The following PDXK variants were observed in gnomAD, a reference collection of about 807,000 sequenced individuals.
PDXK encodes the protein epididymis secretory sperm binding protein Li 1a.
Under a neutral mutation model 43.2 loss-of-function variants are expected in PDXK, and 15 were observed. That is an observed-to-expected ratio of 0.35 (90% CI 0.23 to 0.53). PDXK has a LOEUF of 0.53. Among genes scored for constraint, PDXK ranks in the 20% least tolerant of loss-of-function variants. The pLI, the probability that PDXK is intolerant of heterozygous loss-of-function variation, is 0.92. For synonymous variants in PDXK, 172 were observed against 165.4 expected, an observed-to-expected ratio of 1.04 and a Z score of -0.31; for missense variants, 343 against 417.0, an observed-to-expected ratio of 0.82 and a Z score of 1.54.
At chr21:43,725,316 C>G (rs138605786) in intron 1 of PDXK, among the ~76,000 whole-genome samples, 326 of 152,106 alleles carry the variant, frequency 2.1e-3, no homozygotes, top group Non-Finnish European at 3.7e-3. Context: ...GAGCAAGACT[C>G]TCGTCTCAAA....
At chr21:43,747,872 A>G (rs1257421276) in intron 5 of PDXK, among the ~76,000 whole-genome samples, 1 of 152,224 alleles carries the variant, frequency 6.6e-6, no homozygotes, top group Admixed American at 6.5e-5. Context: ...CTCCCTACCC[A>G]AAATGGGGCT....
chr21:43,719,724 C>T, intron 1 of PDXK: 1 of 985,442 alleles, frequency 1.0e-6, no homozygotes, highest in Non-Finnish European at 1.2e-6. Flanking sequence ...GGCGGTGCGG[C>T]TCCCGGAGGC....
At position 43,760,698 on chromosome 21, in the gene PDXK, C is replaced by T. The variant is rs1005158536; in HGVS notation, c.*4635C>T. 9.2e-5 allele frequency: 14 copies of T among 152,412 alleles called. No individual in the cohort carries two copies. Among genetic ancestry groups the T allele is most frequent in the African/African-American group, 3.1e-4 (13 of 41,550 alleles). The allele number at this position is 152,412 out of a possible 1,614,324, so 9.4% of individuals were successfully genotyped here. A position where few individuals can be genotyped will look rare whatever the true frequency, so the allele number is the denominator to read the frequency against. On this transcript the variant is annotated 3_prime_UTR_variant, in exon 11 of 11. Coordinates refer to ENST00000291565, the MANE Select transcript of PDXK (RefSeq NM_003681.5). ...GCCAGTTTGTGTGGCCTGTGCCACG[C>T]TCCACAGTGCGTGGCTGGGCTCTGT...
rs1321902747 is a variant in PDXK at position 43,756,131 on chromosome 21, T to C, written c.*68T>C. 2.2e-6 allele frequency: 2 copies of C among 907,532 alleles called. No homozygotes were observed. The highest frequency in any genetic ancestry group is 1.8e-6 in the Non-Finnish European group (1 of 564,510). 56.2% of individuals were successfully genotyped at this position (907,532 alleles called of 1,614,324 possible). On this transcript the variant is annotated 3_prime_UTR_variant, in exon 11 of 11. Transcript: ENST00000291565. ...CCGTGTTTGTCCCTGTGAAAACATG[T>C]AACGTCTGCCTTAGAGCCATGACCG...
chr21:43,737,067 G>A lies in PDXK; in HGVS notation c.142+2944G>A, dbSNP rs1197341321. 1 of 761,408 alleles carries A rather than the reference G, an allele frequency of 1.3e-6. No individual in the cohort carries two copies. Among genetic ancestry groups the A allele is most frequent in the African/African-American group, 1.7e-5 (1 of 58,434 alleles). 47.2% of individuals were successfully genotyped at this position (761,408 alleles called of 1,614,324 possible). ...TCTGCCTCCACCTCCCGAGTGGCTG[G>A]GACTATAGTTGTGCACCAGCACGCC... On this transcript the variant is annotated intron_variant, in intron 2 of 10. Coordinates refer to ENST00000291565, the MANE Select transcript of PDXK (RefSeq NM_003681.5). The surrounding 1 kb of genome is among the most constrained non-coding windows in gnomAD (Gnocchi z 4.8).
chr21:43,756,070 C>T lies in PDXK; in HGVS notation c.*7C>T, dbSNP rs751340592. ...CCAGGCCACGGTGCTGTGAGGGCCC[C>T]GCCGCTTGCCCGTGACACGCAGCGC... is the stretch of plus-strand genomic sequence containing the variant. On this transcript the variant is annotated 3_prime_UTR_variant, in exon 11 of 11. Transcript: ENST00000291565. The T allele has an allele frequency of 1.2e-5, 19 of 1,555,202 alleles. No homozygotes were observed. The highest frequency in any genetic ancestry group is 2.7e-5 in the African/African-American group (2 of 73,734).
At chr21:43,750,829 T>TGTGTGCACGTGTGTGTGTGCAC in intron 7 of PDXK, among the ~76,000 whole-genome samples, 2 of 148,822 alleles carry the variant, frequency 1.3e-5, no homozygotes, top group Non-Finnish European at 3.0e-5. Context: ...CATGTGTGCA[T>TGTGTGCACGTGTGTGTGTGCAC]GTGTGCACGT....
At chr21:43,745,158 G>A (rs890077734) in intron 4 of PDXK, among the ~76,000 whole-genome samples, 4 of 152,164 alleles carry the variant, frequency 2.6e-5, no homozygotes, top group East Asian at 1.9e-4. Flanking sequence ...GGTGGCTCAC[G>A]CCTGGAATCC....
chr21:43,752,734 C>G lies in PDXK; in HGVS notation c.622+105C>G. ...GGGTTCAATAGCATGAAATTTAAGC[C>G]TTATCCAGCACCGGGATGACACCCC... On this transcript the variant is annotated intron_variant, in intron 8 of 10. Transcript: ENST00000291565. 4.3e-6 allele frequency: 3 copies of G among 702,734 alleles called. No homozygotes were observed. In the South Asian group the frequency reaches 4.9e-5, roughly 11 times the overall value. 43.5% of individuals were successfully genotyped at this position (702,734 alleles called of 1,614,324 possible).
At chr21:43,733,173 G>C (rs1225593031) in intron 1 of PDXK, among the ~76,000 whole-genome samples, 1 of 151,754 alleles carries the variant, frequency 6.6e-6, no homozygotes, top group Non-Finnish European at 1.5e-5. Context: ...TAAGCAGATA[G>C]CTCAACTCAT....
intron 6 of PDXK, among the ~76,000 whole-genome samples, chr21:43,749,609 C>T (rs902956021): frequency 5.6e-4 from 85 of 150,802 alleles, no homozygotes; most frequent in African/African-American, 2.0e-3. Context: ...AGCCCCTGCC[C>T]ACCTGGGTCC....
rs1328400979 is a variant in PDXK at position 43,760,850 on chromosome 21, T to G, written c.*4787T>G. The G allele has an allele frequency of 6.6e-6, 1 of 152,232 alleles. No homozygotes were observed. Among genetic ancestry groups the G allele is most frequent in the Non-Finnish European group, 1.5e-5 (1 of 68,042 alleles). 9.4% of individuals were successfully genotyped at this position (152,232 alleles called of 1,614,324 possible). A position where few individuals can be genotyped will look rare whatever the true frequency, so the allele number is the denominator to read the frequency against. On this transcript the variant is annotated 3_prime_UTR_variant, in exon 11 of 11. Coordinates refer to ENST00000291565, the MANE Select transcript of PDXK (RefSeq NM_003681.5). Reference sequence around the variant, plus strand: ...ACGGTCTCTCCTGCTGGGGGCTTTCTGTCGCATGTGTGTCTCCTGTCGACT... The same window carrying G: ...ACGGTCTCTCCTGCTGGGGGCTTTCGGTCGCATGTGTGTCTCCTGTCGACT...
chr21:43,753,521 G>C (rs1182608206), intron 8 of PDXK, 62 bp from the exon 9 acceptor site: 27 of 1,550,868 alleles, frequency 1.7e-5, no homozygotes, highest in Non-Finnish European at 2.4e-5. Flanking sequence ...ATCAGGGATG[G>C]GAGGCTGGCC....
intron 7 of PDXK, among the ~76,000 whole-genome samples, chr21:43,750,993 A>C (rs1460401902): frequency 2.0e-5 from 3 of 151,568 alleles, no homozygotes; most frequent in Non-Finnish European, 4.4e-5. Context: ...CATGTGTGTG[A>C]AGAGCTATTG....
At position 43,734,417 on chromosome 21, in the gene PDXK, A is replaced by G. The variant is rs1429768811; in HGVS notation, c.142+294A>G. Among the ~76,000 whole-genome samples the G allele has an allele frequency of 2.0e-5, 3 of 152,054 alleles. No individual in the cohort carries two copies. The highest frequency in any genetic ancestry group is 1.9e-4 in the East Asian group (1 of 5,178). ...TCGGTGCTTCAGTTTCCTTCTCTGT[A>G]AGACAGGAGGGCAATCCTAACACCT... On this transcript the variant is annotated intron_variant, in intron 2 of 10. Transcript: ENST00000291565. The surrounding 1 kb of genome is among the most constrained non-coding windows in gnomAD (Gnocchi z 5.0).
At chr21:43,719,902 G>A in intron 1 of PDXK, 2 of 985,458 alleles carry the variant, frequency 2.0e-6, no homozygotes, top group Non-Finnish European at 2.4e-6. Flanking sequence ...AGGTCACGGT[G>A]CCCACGAGGG....
intron 1 of PDXK, among the ~76,000 whole-genome samples, chr21:43,731,371 C>A (rs2083315655): frequency 6.6e-6 from 1 of 152,228 alleles, no homozygotes; most frequent in South Asian, 2.1e-4. Context: ...AGAGAGATCT[C>A]ATCACACTGA....
chr21:43,753,589 C>A lies in PDXK; in HGVS notation c.629C>A (p.Pro210His). 1 of 1,611,272 alleles carries A rather than the reference C, an allele frequency of 6.2e-7. No homozygotes were observed. The highest frequency in any genetic ancestry group is 8.5e-7 in the Non-Finnish European group (1 of 1,178,262). The change falls in exon 9 of 11, where the codon CCC (proline) becomes CAC (histidine). Residue 210 changes from proline to histidine, a missense_variant. By Grantham distance (77) the Pro-to-His change is moderately conservative (BLOSUM62 -2). Coordinates refer to ENST00000291565, the MANE Select transcript of PDXK (RefSeq NM_003681.5). Reference protein sequence around the residue: ...IVLGSQRRRNPAGSVVMERIR... With the variant: ...IVLGSQRRRNHAGSVVMERIR... ...GCCCATCTTCTCCCCCTAGGGAATC[C>A]CGCTGGCTCCGTGGTGATGGAACGC...
rs760691788 is a variant in PDXK at position 43,748,961 on chromosome 21, C to T, written c.379-34C>T. The T allele has an allele frequency of 9.4e-6, 13 of 1,376,236 alleles. 1 individual carries two copies. The South Asian group carries it at 1.2e-4, about 13-fold the overall frequency. The allele number at this position is 1,376,236 out of a possible 1,614,324, so 85.3% of individuals were successfully genotyped here. On this transcript the variant is annotated intron_variant, in intron 5 of 10. Coordinates refer to ENST00000291565, the MANE Select transcript of PDXK (RefSeq NM_003681.5). ...CCCTGGCGTGCTTCCCTCACGGTGA[C>T]TCAGCCTCTCCTCCTGTCTCCTTTG...
Sources: gnomAD v4.1 joint callset for allele counts (sites outside exome capture counted in the v4.1 genomes callset) on GRCh38, gnomAD v4.1.1 for gene constraint, Gnocchi (gnomAD v3.1) non-coding constraint, MANE v1.5 for transcripts, NCBI Gene and HGNC (gene_info 2026-07-23, HGNC 2026-07-21) for gene names.